Variants in CLIC4 observed in about 807,000 individuals in gnomAD.
The protein encoded by CLIC4 is CLIC family member 4.
A neutral mutation model predicts 24.6 loss-of-function variants in CLIC4; 13 were observed. That is an observed-to-expected ratio of 0.53 (90% CI 0.34 to 0.84). The LOEUF is 0.84. Among genes scored for constraint, CLIC4 ranks in the 40% least tolerant of loss-of-function variants. The pLI is 0.01. For synonymous variants in CLIC4, 104 were observed against 111.3 expected (o/e 0.93, Z 0.41); for missense variants, 227 against 301.7 (o/e 0.75, Z 1.83).
chr1:24,785,038 C>T (rs1037256831), intron 1 of CLIC4, among the ~76,000 whole-genome samples: 2 of 147,506 alleles, frequency 1.4e-5, no homozygotes, highest in Non-Finnish European at 3.0e-5. Flanking sequence ...AAAAGAATAT[C>T]TTTGCTTTTT....
chr1:24,840,897 A>G lies in CLIC4; in HGVS notation c.722A>G (p.Glu241Gly), dbSNP rs750214801. 61 of 1,611,466 alleles carry G rather than the reference A, an allele frequency of 3.8e-5. No individual in the cohort carries two copies. The highest frequency in any genetic ancestry group is 5.0e-5 in the Non-Finnish European group (59 of 1,178,912). ...ACCTGTCCCAGTGATAAGGAGGTTG[A>G]AATAGCATATAGTGATGTAGCCAAA... ...TNTCPSDKEV[E>G]IAYSDVAKRL... Residue 241 changes from glutamate to glycine, a missense_variant, in exon 6 of 6, where the codon GAA becomes GGA. Transcript: ENST00000374379.
intron 2 of CLIC4, among the ~76,000 whole-genome samples, chr1:24,803,556 G>A (rs1639514659): frequency 6.6e-6 from 1 of 152,098 alleles, no homozygotes; most frequent in Non-Finnish European, 1.5e-5. Context: ...CAGCCTTCGT[G>A]CTTTGGTGGG....
chr1:24,755,595 G>A (rs1055457700), intron 1 of CLIC4, among the ~76,000 whole-genome samples: 1 of 150,442 alleles, frequency 6.6e-6, no homozygotes, highest in Admixed American at 6.7e-5. Flanking sequence ...GGTGACCGAC[G>A]GAGATCCTAT....
chr1:24,774,970 C>G (rs1423111883), intron 1 of CLIC4, among the ~76,000 whole-genome samples: 3 of 151,882 alleles, frequency 2.0e-5, no homozygotes, highest in Non-Finnish European at 2.9e-5. Context: ...ACTGGGGCAG[C>G]TGAGGCGGGA....
intron 4 of CLIC4, among the ~76,000 whole-genome samples, chr1:24,838,266 A>G (rs1639905407): frequency 6.6e-6 from 1 of 152,200 alleles, no homozygotes. Context: ...TCCTTAGAAT[A>G]AGACTTGGCA....
chr1:24,773,476 A>G (rs573502723), intron 1 of CLIC4, among the ~76,000 whole-genome samples: 133 of 152,216 alleles, frequency 8.7e-4, no homozygotes, highest in African/African-American at 3.1e-3. Flanking sequence ...ATGTCCCAAC[A>G]TAGTTGTCTT....
intron 1 of CLIC4, among the ~76,000 whole-genome samples, chr1:24,789,508 ACT>A (rs771447200): frequency 3.9e-5 from 6 of 152,056 alleles, no homozygotes; most frequent in Non-Finnish European, 8.8e-5. Context: ...ACAGAGCAAG[ACT>A]CTGTCTCAAA....
chr1:24,781,465 G>A (rs1484778350), intron 1 of CLIC4, among the ~76,000 whole-genome samples: 1 of 151,290 alleles, frequency 6.6e-6, no homozygotes, highest in African/African-American at 2.4e-5. Flanking sequence ...CTTATAGTGA[G>A]ACTTGAGCTT....
chr1:24,752,769 C>T (rs894259833), intron 1 of CLIC4, among the ~76,000 whole-genome samples: 1 of 152,212 alleles, frequency 6.6e-6, no homozygotes, highest in Non-Finnish European at 1.5e-5. Context: ...TGTCGCCAGA[C>T]TGGAATGCAG....
In CLIC4 at chr1:24,843,087, A is replaced by C. The variant is rs1639958771; in HGVS notation, c.*2150A>C. On this transcript the variant is annotated 3_prime_UTR_variant, in exon 6 of 6. Transcript: ENST00000374379. ...TCATTTTGGATATTCTCCTGTTTTTATTAAACCAGTGATTACACCTGGCCA... is the reference window on the plus strand; with the variant it reads ...TCATTTTGGATATTCTCCTGTTTTTCTTAAACCAGTGATTACACCTGGCCA... The C allele has an allele frequency of 6.6e-6, 1 of 152,162 alleles. No individual in the cohort carries two copies. Among genetic ancestry groups the C allele is most frequent in the Admixed American group, 6.5e-5 (1 of 15,278 alleles). 9.4% of individuals were successfully genotyped at this position (152,162 alleles called of 1,614,324 possible). A position where few individuals can be genotyped will look rare whatever the true frequency, so the allele number is the denominator to read the frequency against.
At chr1:24,748,934 G>A (rs897814249) in intron 1 of CLIC4, among the ~76,000 whole-genome samples, 3 of 152,134 alleles carry the variant, frequency 2.0e-5, no homozygotes, top group Non-Finnish European at 4.4e-5. Context: ...TATTTTGAAA[G>A]CAGTGGACCA....
At chr1:24,808,619 C>T (rs759235927) in intron 2 of CLIC4, among the ~76,000 whole-genome samples, 2 of 150,964 alleles carry the variant, frequency 1.3e-5, no homozygotes, top group South Asian at 2.1e-4. Context: ...ATGTGCAACA[C>T]GCCTGGCTAA....
At chr1:24,750,015 C>T (rs1227614685) in intron 1 of CLIC4, among the ~76,000 whole-genome samples, 2 of 152,266 alleles carry the variant, frequency 1.3e-5, no homozygotes, top group East Asian at 3.9e-4. Context: ...GCCTGGGAGG[C>T]AGAGGTTGGC....
chr1:24,840,657 A>G (rs568806657), intron 5 of CLIC4, 116 bp from the exon 6 acceptor site: 93 of 847,752 alleles, frequency 1.1e-4, no homozygotes, highest in Non-Finnish European at 1.5e-4. Context: ...TTTTTTTCAT[A>G]TAGAAGCAGT....
chr1:24,839,943 A>G lies in CLIC4; in HGVS notation c.499A>G (p.Ser167Gly), dbSNP rs1307116934. The change falls in exon 5 of 6, where the codon AGT (serine) becomes GGT (glycine). Residue 167 changes from serine (S) to glycine (G), a missense_variant. By Grantham distance (56) the Ser-to-Gly change is moderately conservative. Coordinates refer to ENST00000374379, the MANE Select transcript of CLIC4 (RefSeq NM_013943.3). The part of the protein sequence containing the change: ...SPLPDEIDEN[S>G]MEDIKFSTRK... ...TCTCCCTGATGAAATTGATGAAAATAGTATGGAGGACATAAAGTTTTCTAC... is the reference window on the plus strand; with the variant it reads ...TCTCCCTGATGAAATTGATGAAAATGGTATGGAGGACATAAAGTTTTCTAC... The G allele has an allele frequency of 1.2e-6, 2 of 1,613,752 alleles. No homozygotes were observed. The highest frequency in any genetic ancestry group is 8.5e-7 in the Non-Finnish European group (1 of 1,179,962).
intron 1 of CLIC4, among the ~76,000 whole-genome samples, chr1:24,755,996 A>ATT (rs972121749): frequency 2.1e-3 from 135 of 63,388 alleles, no homozygotes; most frequent in Non-Finnish European, 3.3e-3. Context: ...TAATTTTTTG[A>ATT]TTTTTTTTTT....
At chr1:24,819,439 C>CT (rs764888181) in intron 3 of CLIC4, among the ~76,000 whole-genome samples, 368 of 143,560 alleles carry the variant, frequency 2.6e-3, no homozygotes, top group South Asian at 3.3e-3. Context: ...GTGGAAATAA[C>CT]TTTTTTTTTT....
At position 24,755,924 on chromosome 1, in the gene CLIC4, C is replaced by T. The variant is rs184424500; in HGVS notation, c.72+10299C>T. Among the ~76,000 whole-genome samples the T allele has an allele frequency of 4.2e-3, 641 of 151,254 alleles. 4 individuals are homozygous for T. The highest frequency in any genetic ancestry group is 0.015 in the African/African-American group (603 of 41,190). On this transcript the variant is annotated intron_variant, in intron 1 of 5. Coordinates refer to ENST00000374379, the MANE Select transcript of CLIC4 (RefSeq NM_013943.3). ...GCAACCTCCGCCTCCTGGTTTCAAG[C>T]GATTCTCCTGCCTCAACCTCCTGAG...
chr1:24,790,091 T>A (rs1205258746), intron 1 of CLIC4, among the ~76,000 whole-genome samples: 1 of 152,236 alleles, frequency 6.6e-6, no homozygotes, highest in African/African-American at 2.4e-5. Context: ...TTTATTTGTT[T>A]TGAGACAGTC....
Sources: gnomAD v4.1 joint callset for allele counts (sites outside exome capture counted in the v4.1 genomes callset) on GRCh38, gnomAD v4.1.1 for gene constraint, MANE v1.5 for transcripts, NCBI Gene and HGNC (gene_info 2026-07-23, HGNC 2026-07-21) for gene names.